PLCB1: variants seen among roughly 807,000 people sequenced by gnomAD.
PLCB1 encodes the protein 1-phosphatidylinositol 4,5-bisphosphate phosphodiesterase beta-1.
In PLCB1, 46 loss-of-function variants were observed where a neutral mutation model predicts 161.8. That is an observed-to-expected ratio of 0.28 (90% CI 0.22 to 0.36). The LOEUF (loss-of-function observed/expected upper bound fraction) is 0.36, where lower values mean the gene tolerates loss of function less well. Ranked by LOEUF, PLCB1 falls within the 10% of genes least tolerant of loss-of-function variation. PLCB1 has a pLI of 1.00. For missense variants in PLCB1, 1,016 were observed against 1,472.5 expected (o/e 0.69, Z 5.07); for synonymous variants, 517 against 503.7 (o/e 1.03, Z -0.35).
Position 8,132,523 on chromosome 20 carries a change from C to A in PLCB1, c.-129C>A. On this transcript the variant is annotated 5_prime_UTR_variant, in exon 1 of 32. Coordinates refer to ENST00000338037, the MANE Select transcript of PLCB1 (RefSeq NM_015192.4). The surrounding 1 kb of genome is among the most constrained non-coding windows in gnomAD (Gnocchi z 5.2). ...TGCGGAGGCCGGGAGGCCGGGGAGG[C>A]CGGCGGGGAGCAGAGTCGAGCGCCT... The A allele has an allele frequency of 2.1e-6, 1 of 472,460 alleles. No homozygotes were observed. Among genetic ancestry groups the A allele is most frequent in the Non-Finnish European group, 3.5e-6 (1 of 282,784 alleles). The allele number at this position is 472,460 out of a possible 1,614,324, so 29.3% of individuals were successfully genotyped here.
At chr20:8,763,200 G>C (rs1982134850) in intron 25 of PLCB1, among the ~76,000 whole-genome samples, 1 of 152,116 alleles carries the variant, frequency 6.6e-6, no homozygotes, top group Non-Finnish European at 1.5e-5. Flanking sequence ...GTAAAATACA[G>C]ATTAGTTTTG....
chr20:8,253,197 C>A (rs111747627), intron 2 of PLCB1, among the ~76,000 whole-genome samples: 11,074 of 151,996 alleles, frequency 0.073, 499 homozygotes, highest in East Asian at 0.16. Flanking sequence ...GAGGTATTGA[C>A]TTCCCTAAGG....
At chr20:8,491,119 T>C (rs1220820185) in intron 3 of PLCB1, among the ~76,000 whole-genome samples, 1 of 151,960 alleles carries the variant, frequency 6.6e-6, no homozygotes, top group African/African-American at 2.4e-5. Context: ...GTCATATATA[T>C]ATATAAATAT....
intron 2 of PLCB1, among the ~76,000 whole-genome samples, chr20:8,297,849 A>G (rs988255643): frequency 1.5e-4 from 22 of 151,340 alleles, no homozygotes; most frequent in African/African-American, 4.8e-4. Flanking sequence ...CTAAACCTCA[A>G]CATTCATTTG....
At chr20:8,753,368 G>A (rs553917431) in intron 23 of PLCB1, among the ~76,000 whole-genome samples, 82 of 152,118 alleles carry the variant, frequency 5.4e-4, no homozygotes, top group African/African-American at 2.0e-3. Flanking sequence ...ACTGGTCCTT[G>A]GTGCCAGAAA....
At chr20:8,830,234 G>A (rs1985917130) in intron 31 of PLCB1, among the ~76,000 whole-genome samples, 1 of 152,200 alleles carries the variant, frequency 6.6e-6, no homozygotes, top group South Asian at 2.1e-4. Flanking sequence ...AGGGAACAGT[G>A]CAGGATCAGA....
intron 26 of PLCB1, among the ~76,000 whole-genome samples, chr20:8,772,093 C>T (rs1652210184): frequency 6.9e-6 from 1 of 143,988 alleles, no homozygotes; most frequent in Non-Finnish European, 1.5e-5. Context: ...ACTACCCAGG[C>T]TGACTTTGAA....
At chr20:8,383,513 T>C (rs929441690) in intron 3 of PLCB1, among the ~76,000 whole-genome samples, 14 of 152,192 alleles carry the variant, frequency 9.2e-5, no homozygotes, top group African/African-American at 2.7e-4. Context: ...CTTTTAATTG[T>C]AACATTTATC....
intron 6 of PLCB1, 131 bp downstream of exon 6, chr20:8,648,084 T>C: frequency 3.3e-6 from 2 of 603,308 alleles, no homozygotes; most frequent in Non-Finnish European, 5.8e-6. Flanking sequence ...CTGTCCTCCC[T>C]CACACATGTC....
At chr20:8,539,638 T>C (rs914781483) in intron 3 of PLCB1, among the ~76,000 whole-genome samples, 5 of 73,700 alleles carry the variant, frequency 6.8e-5, no homozygotes, top group African/African-American at 3.1e-4. Context: ...CTTTCTTTCT[T>C]TCTTTCTTTC....
intron 2 of PLCB1, among the ~76,000 whole-genome samples, chr20:8,296,768 G>A (rs745674214): frequency 7.9e-5 from 12 of 152,064 alleles, no homozygotes; most frequent in African/African-American, 1.4e-4. Flanking sequence ...TGGAGTCATC[G>A]GGGATGCTTC....
chr20:8,389,249 A>G (rs1267880359), intron 3 of PLCB1, among the ~76,000 whole-genome samples: 1 of 152,246 alleles, frequency 6.6e-6, no homozygotes, highest in Non-Finnish European at 1.5e-5. Flanking sequence ...TTTTCAGTAT[A>G]TATGGTGTCC....
At chr20:8,408,536 G>A (rs755616031) in intron 3 of PLCB1, among the ~76,000 whole-genome samples, 1 of 151,962 alleles carries the variant, frequency 6.6e-6, no homozygotes, top group Admixed American at 6.6e-5. Context: ...ATCAGATTAT[G>A]GCGACATAAA....
intron 2 of PLCB1, among the ~76,000 whole-genome samples, chr20:8,200,771 A>G (rs530268743): frequency 5.3e-5 from 8 of 152,176 alleles, no homozygotes; most frequent in Middle Eastern, 3.4e-3. Flanking sequence ...CTGATAAAAT[A>G]CTGAATAAAA....
At chr20:8,868,261 C>T (rs963371371) in intron 31 of PLCB1, among the ~76,000 whole-genome samples, 2 of 152,170 alleles carry the variant, frequency 1.3e-5, no homozygotes, top group Non-Finnish European at 2.9e-5. Context: ...CCAAGTATGA[C>T]AGACACAAAG....
At chr20:8,282,973 G>T (rs929643915) in intron 2 of PLCB1, among the ~76,000 whole-genome samples, 2 of 152,068 alleles carry the variant, frequency 1.3e-5, no homozygotes, top group Non-Finnish European at 2.9e-5. Flanking sequence ...GTGGTTCTCC[G>T]TGGTGTTCAG....
At chr20:8,872,845 C>T (rs192794143) in intron 31 of PLCB1, among the ~76,000 whole-genome samples, 19 of 152,294 alleles carry the variant, frequency 1.2e-4, no homozygotes, top group Non-Finnish European at 2.1e-4. Flanking sequence ...AGGTTCAGCA[C>T]TCCAACACCC....
chr20:8,837,739 G>C, intron 31 of PLCB1, among the ~76,000 whole-genome samples: 1 of 152,218 alleles, frequency 6.6e-6, no homozygotes. Flanking sequence ...GTTTGTGAGG[G>C]AGTCCCAGCA....
chr20:8,195,403 T>C (rs73080296), intron 2 of PLCB1, among the ~76,000 whole-genome samples: 6,799 of 151,970 alleles, frequency 0.045, 205 homozygotes, highest in Middle Eastern at 0.075. Context: ...CCTTGGAAAA[T>C]AGGCCCAAGA....
Sources: allele counts gnomAD v4.1 joint callset (sites outside exome capture counted in the v4.1 genomes callset), GRCh38; gene constraint gnomAD v4.1.1; non-coding constraint Gnocchi (gnomAD v3.1); transcripts MANE v1.5; gene names NCBI Gene and HGNC (gene_info 2026-07-23, HGNC 2026-07-21).